STAC3: variants seen among roughly 807,000 people sequenced by gnomAD.
The protein encoded by STAC3 is SH3 and cysteine rich domain 3.
Under a neutral mutation model 48.5 loss-of-function variants are expected in STAC3, and 30 were observed. That is an observed-to-expected ratio of 0.62 (90% CI 0.46 to 0.84). STAC3 has a LOEUF of 0.84. Ranked by LOEUF, STAC3 falls within the 40% of genes least tolerant of loss-of-function variation. STAC3 has a pLI of 0.00. For missense variants in STAC3, 419 were observed against 462.6 expected (o/e 0.91, Z 0.86); for synonymous variants, 144 against 158.6 (o/e 0.91, Z 0.69).
rs1241059759 is a variant in STAC3, at chr12:57,249,196, A to G, written c.179T>C (p.Ile60Thr). The G allele has an allele frequency of 3.7e-6, 6 of 1,613,956 alleles. No individual in the cohort carries two copies. Among genetic ancestry groups the G allele is most frequent in the Non-Finnish European group, 5.1e-6 (6 of 1,180,006 alleles). The part of the protein sequence containing the change: ...GEAVGAGGGP[I>T]YYIYEEEEEE... The stretch of plus-strand genomic sequence containing the variant: ...TTCCTCTTCCTCATAGATGTAGTAG[A>G]TGGGCCCACCCCCAGCTCCCACTGC... The change falls in exon 3 of 12, where the codon ATC (isoleucine) becomes ACC (threonine). Residue 60 changes from isoleucine to threonine, a missense_variant. Physicochemically the swap from Ile to Thr is moderately conservative, Grantham distance 89 (BLOSUM62 -1). Transcript: ENST00000332782.
In STAC3 at chr12:57,244,539, G is replaced by C; in HGVS notation, c.804C>G (p.Phe268Leu). 4 of 1,614,234 alleles carry C rather than the reference G, an allele frequency of 2.5e-6. No homozygotes were observed. Among genetic ancestry groups the C allele is most frequent in the Non-Finnish European group, 3.4e-6 (4 of 1,180,048 alleles). ...FKALEKDDLD[F>L]PPGEKITVID... is the part of the protein sequence containing the mutation. ...CCCCCTGCCCCAAGGCCTCTCACGG[G>C]AAATCCAGATCGTCCTTCTCCAGGG... The change falls in exon 9 of 12, where the codon TTC (phenylalanine) becomes TTG (leucine). Residue 268 changes from phenylalanine to leucine, a missense_variant and splice_region_variant. By Grantham distance (22) the Phe-to-Leu change is conservative (BLOSUM62 0). Transcript: ENST00000332782.
intron 6 of STAC3, among the ~76,000 whole-genome samples, chr12:57,246,557 T>C (rs2037746527): frequency 6.6e-6 from 1 of 152,070 alleles, no homozygotes; most frequent in African/African-American, 2.4e-5. Context: ...TTTTTATTTT[T>C]GTATTTTTAG....
At position 57,248,797 on chromosome 12, in the gene STAC3, T is replaced by A. The variant is rs755722722; in HGVS notation, c.341A>T (p.Asn114Ile). 9 of 1,613,876 alleles carry A rather than the reference T, an allele frequency of 5.6e-6. No homozygotes were observed. The highest frequency in any genetic ancestry group is 7.6e-6 in the Non-Finnish European group (9 of 1,179,882). ...DVCARMIVLN[N>I]KFGLRCKNCK... ...GTTCTTACAGCGAAGCCCAAACTTG[T>A]TGTTGACTTGGGAAAGGGGGAGAAA... The change falls in exon 4 of 12, where the codon AAC (asparagine) becomes ATC (isoleucine). Residue 114 changes from asparagine (N) to isoleucine (I), a missense_variant. Physicochemically the swap from Asn to Ile is moderately radical, Grantham distance 149 (BLOSUM62 -3). Transcript: ENST00000332782.
In STAC3 at chr12:57,244,132, C is replaced by A. The variant is rs968795321; in HGVS notation, c.952G>T (p.Val318Leu). The A allele has an allele frequency of 6.2e-7, 1 of 1,614,116 alleles. No individual in the cohort carries two copies. The highest frequency in any genetic ancestry group is 8.5e-7 in the Non-Finnish European group (1 of 1,180,030). ...ATCTGCCCTATCTCGCGGTTCCCCA[C>A]GAAGGATCTCGTCACGCGGTGCACA... ...ERVHRVTRSF[V>L]GNREIGQITL... is the part of the protein sequence containing the mutation. The change falls in exon 11 of 12, where the codon GTG becomes TTG. Residue 318 changes from valine (V) to leucine (L), a missense_variant. Physicochemically the swap from Val to Leu is conservative, Grantham distance 32 (BLOSUM62 1). Transcript: ENST00000332782.
chr12:57,249,480 T>TC, intron 2 of STAC3, 91 bp downstream of exon 2: 1 of 1,547,170 alleles, frequency 6.5e-7, no homozygotes, highest in Non-Finnish European at 8.8e-7. Flanking sequence ...AAAAAATGAG[T>TC]CACACACAAA....
chr12:57,245,038 G>A, intron 7 of STAC3, 73 bp from the exon 8 acceptor site: 1 of 1,605,234 alleles, frequency 6.2e-7, no homozygotes, highest in South Asian at 1.1e-5. Flanking sequence ...TTTTGTGGAA[G>A]GGCCTCGTCT....
chr12:57,247,787 T>C (rs2037788551), intron 5 of STAC3, among the ~76,000 whole-genome samples: 1 of 152,162 alleles, frequency 6.6e-6, no homozygotes, highest in Non-Finnish European at 1.5e-5. Context: ...CCGAGTCTGA[T>C]ATGACTCTGT....
intron 6 of STAC3, among the ~76,000 whole-genome samples, chr12:57,246,023 C>T (rs1442396944): frequency 1.3e-5 from 2 of 148,632 alleles, no homozygotes; most frequent in Non-Finnish European, 3.0e-5. Flanking sequence ...GCAGGATAAT[C>T]GCTTGGACCC....
chr12:57,244,808 G>T, intron 8 of STAC3, 108 bp downstream of exon 8: 1 of 1,430,960 alleles, frequency 7.0e-7, no homozygotes, highest in South Asian at 1.2e-5. Flanking sequence ...CAGAAGTGAT[G>T]GGAAGCCTAG....
intron 1 of STAC3, 69 bp downstream of exon 1, chr12:57,250,924 A>T (rs563996182): frequency 5.3e-6 from 1 of 188,422 alleles, no homozygotes; most frequent in East Asian, 1.5e-4. Context: ...GAAGAAGCTG[A>T]GTAGATTATA....
Position 57,244,371 on chromosome 12 carries a change from G to A in STAC3, c.807-5C>T. On this transcript the variant is annotated splice_polypyrimidine_tract_variant and splice_region_variant and intron_variant, in intron 9 of 11. Transcript: ENST00000332782. ...ACTGTGATCTTCTCTCCTGGCCTGG[G>A]AGGGGAAGGGAGGGGCCTCACTCAC... is the stretch of plus-strand genomic sequence containing the variant. The A allele has an allele frequency of 1.9e-6, 3 of 1,614,080 alleles. No individual in the cohort carries two copies. Among genetic ancestry groups the A allele is most frequent in the Non-Finnish European group, 2.5e-6 (3 of 1,180,024 alleles).
chr12:57,248,563 C>A (rs184042741), intron 4 of STAC3, 143 bp downstream of exon 4: 9 of 650,078 alleles, frequency 1.4e-5, no homozygotes, highest in Middle Eastern at 4.1e-4. Context: ...TATTTAGAGA[C>A]GGGGTTTCAC....
At chr12:57,245,348 A>C in intron 6 of STAC3, 137 bp from the exon 7 acceptor site, 1 of 746,478 alleles carries the variant, frequency 1.3e-6, no homozygotes, top group Non-Finnish European at 2.2e-6. Context: ...GGAAATATCT[A>C]GTTCAGCCAT....
rs2037824950 is a variant in STAC3, at chr12:57,248,717, A to T, written c.421T>A (p.Phe141Ile). ...CACAGCCTACTCACGATCTTGCCGA[A>T]GCATCTCTGCATTTCCACATAGGAC... ...CQSYVEMQRC[F>I]GKIPPGFHRA... Residue 141 changes from phenylalanine (F) to isoleucine (I), a missense_variant, in exon 4 of 12, where the codon TTC (phenylalanine) becomes ATC (isoleucine). Transcript: ENST00000332782. 2 of 1,613,910 alleles carry T rather than the reference A, an allele frequency of 1.2e-6. No homozygotes were observed. Among genetic ancestry groups the T allele is most frequent in the Non-Finnish European group, 1.7e-6 (2 of 1,179,806 alleles).
chr12:57,249,085 A>G lies in STAC3; in HGVS notation c.290T>C (p.Phe97Ser), dbSNP rs2136835506. ...GACATCACAGAACTTTGGCTTCTTG[A>G]AGAAGTGATCTTTGAATTTGTGGGG... ...DKPHKFKDHF[F>S]KKPKFCDVCA... The change falls in exon 3 of 12, where the codon TTC becomes TCC. Residue 97 changes from phenylalanine (F) to serine (S), a missense_variant. Coordinates refer to ENST00000332782, the MANE Select transcript of STAC3 (RefSeq NM_145064.3). 1 of 1,610,204 alleles carries G rather than the reference A, an allele frequency of 6.2e-7. No homozygotes were observed. Among genetic ancestry groups the G allele is most frequent in the East Asian group, 2.2e-5 (1 of 44,804 alleles).
In STAC3 at chr12:57,249,584, G is replaced by A; in HGVS notation, c.53C>T (p.Thr18Ile). ...ESPKPSFPAE[T>I]RQSGLQRLKQ... ...GCCCAGACTCACCCCACTTTGCCGAGTCTCTGCTGGGAAGGAGGGCTTAGG... is the reference window on the plus strand; with the variant it reads ...GCCCAGACTCACCCCACTTTGCCGAATCTCTGCTGGGAAGGAGGGCTTAGG... Residue 18 changes from threonine to isoleucine, a missense_variant, in exon 2 of 12, where the codon ACT (threonine) becomes ATT (isoleucine). By Grantham distance (89) the Thr-to-Ile change is moderately conservative. Coordinates refer to ENST00000332782, the MANE Select transcript of STAC3 (RefSeq NM_145064.3). The A allele has an allele frequency of 6.2e-7, 1 of 1,614,074 alleles. No homozygotes were observed. Among genetic ancestry groups the A allele is most frequent in the Non-Finnish European group, 8.5e-7 (1 of 1,180,022 alleles).
At chr12:57,247,288 A>G (rs950705561) in intron 5 of STAC3, among the ~76,000 whole-genome samples, 1 of 152,096 alleles carries the variant, frequency 6.6e-6, no homozygotes, top group Non-Finnish European at 1.5e-5. Context: ...GTGTAAGCTG[A>G]GGTGCTGCCA....
intron 8 of STAC3, 69 bp from the exon 9 acceptor site, chr12:57,244,691 C>T: frequency 6.4e-7 from 1 of 1,560,070 alleles, no homozygotes; most frequent in Non-Finnish European, 8.8e-7. Flanking sequence ...GATTCCAAGG[C>T]AGGGACATTC....
rs778457778 is a variant in STAC3 at position 57,243,707 on chromosome 12, C to A, written c.*105G>T. 4.9e-5 allele frequency: 53 copies of A among 1,086,030 alleles called. No individual in the cohort carries two copies. The highest frequency in any genetic ancestry group is 6.8e-5 in the Non-Finnish European group (49 of 721,686). 67.3% of individuals were successfully genotyped at this position (1,086,030 alleles called of 1,614,324 possible). A position where few individuals can be genotyped will look rare whatever the true frequency, so the allele number is the denominator to read the frequency against. On this transcript the variant is annotated 3_prime_UTR_variant, in exon 12 of 12. Transcript: ENST00000332782. ...GTCGCGCTCAGGCGGGCCTTCCTACCCCTCCTCTCCCAGCAGTCCCGTTGC... is the reference window on the plus strand; with the variant it reads ...GTCGCGCTCAGGCGGGCCTTCCTACACCTCCTCTCCCAGCAGTCCCGTTGC...
Sources: gnomAD v4.1 joint callset for allele counts (sites outside exome capture counted in the v4.1 genomes callset) on GRCh38, gnomAD v4.1.1 for gene constraint, MANE v1.5 for transcripts, NCBI Gene and HGNC (gene_info 2026-07-23, HGNC 2026-07-21) for gene names.